Variants in SHANK2 observed in about 807,000 individuals in gnomAD.
The protein encoded by SHANK2 is SH3 and multiple ankyrin repeat domains 2.
In SHANK2, 43 loss-of-function variants were observed where a neutral mutation model predicts 133.7. That is an observed-to-expected ratio of 0.32 (90% CI 0.25 to 0.41). The LOEUF (loss-of-function observed/expected upper bound fraction) is 0.41. Ranked by LOEUF, SHANK2 falls within the 10% of genes least tolerant of loss-of-function variation. The pLI, the probability that SHANK2 is intolerant of heterozygous loss-of-function variation, is 1.00. For synonymous variants in SHANK2, 1,017 were observed against 952.8 expected (o/e 1.07, Z -1.24); for missense variants, 1,994 against 2,235.8 (o/e 0.89, Z 2.18).
intron 12 of SHANK2, among the ~76,000 whole-genome samples, chr11:70,817,690 C>T (rs1565337831): frequency 6.6e-6 from 1 of 152,188 alleles, no homozygotes; most frequent in Non-Finnish European, 1.5e-5. Flanking sequence ...GAGGCGGCCA[C>T]CCTGAACGCC....
At chr11:70,532,826 A>G (rs2059492270) in intron 17 of SHANK2, among the ~76,000 whole-genome samples, 2 of 152,178 alleles carry the variant, frequency 1.3e-5, no homozygotes, top group Non-Finnish European at 2.9e-5. Context: ...CCACAGCAGC[A>G]CCATTCAGTA....
At chr11:70,879,416 T>G (rs1203182172) in intron 11 of SHANK2, among the ~76,000 whole-genome samples, 1 of 152,220 alleles carries the variant, frequency 6.6e-6, no homozygotes, top group Non-Finnish European at 1.5e-5. Context: ...CTGTCTGAAT[T>G]CGGGCTCAGC....
intron 17 of SHANK2, among the ~76,000 whole-genome samples, chr11:70,621,868 G>T (rs2060833652): frequency 6.6e-6 from 1 of 152,172 alleles, no homozygotes; most frequent in Non-Finnish European, 1.5e-5. Context: ...AAGTGTGACT[G>T]ACAGGTGTTG....
intron 10 of SHANK2, among the ~76,000 whole-genome samples, chr11:70,914,622 G>A (rs1950241928): frequency 2.1e-5 from 3 of 140,338 alleles, no homozygotes; most frequent in East Asian, 2.0e-4. Flanking sequence ...GTGTAAGACC[G>A]GCCTGGGCAA....
chr11:70,611,431 G>C (rs2060656185), intron 17 of SHANK2, among the ~76,000 whole-genome samples: 1 of 152,124 alleles, frequency 6.6e-6, no homozygotes, highest in Admixed American at 6.5e-5. Flanking sequence ...CTCCCCACCT[G>C]CCCTGCTTCC....
intron 17 of SHANK2, among the ~76,000 whole-genome samples, chr11:70,506,605 G>A (rs1310970871): frequency 6.6e-6 from 1 of 152,166 alleles, no homozygotes; most frequent in Non-Finnish European, 1.5e-5. Flanking sequence ...AGGTCTTTCG[G>A]GGTCATGAGC....
rs1555154135 is a variant in SHANK2 at position 70,487,078 on chromosome 11, A to C, written c.3215T>G (p.Leu1072Arg). 1.2e-6 allele frequency: 2 copies of C among 1,609,818 alleles called. No homozygotes were observed. Among genetic ancestry groups the C allele is most frequent in the South Asian group, 1.1e-5 (1 of 91,048 alleles). Residue 1072 changes from leucine (L) to arginine (R), a missense_variant, in exon 25 of 26, where the codon CTG becomes CGG. Around this residue, in one of 5 missense-constraint regions of SHANK2, gnomAD observed 488 missense variants for 642.6 expected, o/e 0.76. Coordinates refer to ENST00000601538, the MANE Select transcript of SHANK2 (RefSeq NM_012309.5). This position sits in a 1 kb window ranked among gnomAD's most constrained non-coding sequence, Gnocchi z 5.8. ...GGCGGCAAAGGGGCTGCTGACGGTC[A>C]GGCTTTCGTCAGGCCGCAGCTGGCT... ...PPSQLRPDES[L>R]TVSSPFAAAI...
intron 15 of SHANK2, among the ~76,000 whole-genome samples, chr11:70,673,334 A>T (rs565514217): frequency 6.6e-6 from 1 of 151,858 alleles, no homozygotes; most frequent in East Asian, 1.9e-4. Flanking sequence ...ACTGCCTGGC[A>T]TTTTGCTGTG....
intron 11 of SHANK2, among the ~76,000 whole-genome samples, chr11:70,870,570 G>T (rs1949443270): frequency 6.6e-6 from 1 of 152,164 alleles, no homozygotes; most frequent in Non-Finnish European, 1.5e-5. Context: ...GAGGTTGGAA[G>T]TCTGAGGTCA....
chr11:70,920,164 T>C (rs1239108385), intron 10 of SHANK2, among the ~76,000 whole-genome samples: 1 of 152,244 alleles, frequency 6.6e-6, no homozygotes, highest in Non-Finnish European at 1.5e-5. Flanking sequence ...TTATCAGTAC[T>C]ACCCAATACA....
At chr11:71,081,723 T>C (rs1951303682) in intron 8 of SHANK2, among the ~76,000 whole-genome samples, 1 of 152,138 alleles carries the variant, frequency 6.6e-6, no homozygotes, top group South Asian at 2.1e-4. Context: ...AACAGAACCT[T>C]GCCAGGCCAG....
intron 17 of SHANK2, among the ~76,000 whole-genome samples, chr11:70,507,919 G>C (rs1591518670): frequency 6.6e-6 from 1 of 152,234 alleles, no homozygotes; most frequent in East Asian, 1.9e-4. Context: ...GCAAGAGCGG[G>C]GCTTGTGATT....
chr11:70,511,157 C>T (rs2059200262), intron 17 of SHANK2, among the ~76,000 whole-genome samples: 1 of 152,208 alleles, frequency 6.6e-6, no homozygotes, highest in African/African-American at 2.4e-5. Context: ...ATCAACACTT[C>T]TATGGGAAGA....
chr11:70,801,014 G>C (rs548468232), intron 13 of SHANK2, among the ~76,000 whole-genome samples: 1 of 152,232 alleles, frequency 6.6e-6, no homozygotes, highest in South Asian at 2.1e-4. Flanking sequence ...GGGAAAACTC[G>C]GTCTCTCTGT....
At chr11:70,592,379 A>G (rs1554988262) in intron 17 of SHANK2, among the ~76,000 whole-genome samples, 1 of 152,212 alleles carries the variant, frequency 6.6e-6, no homozygotes, top group African/African-American at 2.4e-5. Flanking sequence ...AGTGAGAGGC[A>G]GGACTTCTGC....
intron 17 of SHANK2, among the ~76,000 whole-genome samples, chr11:70,590,019 G>A (rs2060301381): frequency 6.6e-6 from 1 of 152,230 alleles, no homozygotes; most frequent in African/African-American, 2.4e-5. Context: ...GCCAGGCGCG[G>A]TGGCGGGCGC....
At chr11:70,768,004 G>A (rs913213233) in intron 14 of SHANK2, among the ~76,000 whole-genome samples, 10 of 151,836 alleles carry the variant, frequency 6.6e-5, no homozygotes, top group Admixed American at 3.9e-4. Flanking sequence ...GGCGGGGCAG[G>A]GTGCTAGAAA....
At chr11:71,116,118 G>A (rs577846938) in intron 4 of SHANK2, among the ~76,000 whole-genome samples, 2 of 152,274 alleles carry the variant, frequency 1.3e-5, no homozygotes, top group African/African-American at 2.4e-5. Context: ...GTGTCACAAC[G>A]GAACTGAGAA....
chr11:70,614,844 C>T lies in SHANK2; in HGVS notation c.2061+44984G>A, dbSNP rs192611676. On this transcript the variant is annotated intron_variant, in intron 17 of 25. Transcript: ENST00000601538. ...ACACAGGGCTGCAGGCCTCCCCTCC[C>T]CACTAACTTAACAACACGGGAGTAC... Among the ~76,000 whole-genome samples the T allele has an allele frequency of 1.8e-3, 269 of 152,350 alleles. 2 individuals are homozygous for T. The highest frequency in any genetic ancestry group is 6.1e-3 in the African/African-American group (254 of 41,588).
Sources: gnomAD v4.1 joint callset for allele counts (sites outside exome capture counted in the v4.1 genomes callset) on GRCh38, gnomAD v4.1.1 for gene constraint, gnomAD v4.1.1 regional missense constraint, Gnocchi (gnomAD v3.1) non-coding constraint, MANE v1.5 for transcripts, NCBI Gene and HGNC (gene_info 2026-07-23, HGNC 2026-07-21) for gene names.